Variants in PPP2R2B observed in about 807,000 individuals in gnomAD.
PPP2R2B encodes serine/threonine-protein phosphatase 2A 55 kDa regulatory subunit B beta isoform.
A neutral mutation model predicts 46.0 loss-of-function variants in PPP2R2B; 5 were observed. That is an observed-to-expected ratio of 0.11 (90% CI 0.06 to 0.23). PPP2R2B has a LOEUF of 0.23. Among genes scored for constraint, PPP2R2B ranks in the 10% least tolerant of loss-of-function variants. The pLI is 1.00. For missense variants in PPP2R2B, 367 were observed against 575.0 expected, an observed-to-expected ratio of 0.64 and a Z score of 3.70; for synonymous variants, 215 against 206.7, an observed-to-expected ratio of 1.04 and a Z score of -0.34.
chr5:147,078,226 C>T lies in PPP2R2B; in HGVS notation c.50+2833G>A, dbSNP rs373237904. 6.6e-5 allele frequency among the ~76,000 whole-genome samples: 10 copies of T among 152,208 alleles called. 1 individual carries two copies. The highest frequency in any genetic ancestry group is 1.7e-4 in the African/African-American group (7 of 41,534). ...ATTTATATTAATAGCTTACAAATAT[C>T]GAGTACTTACAAAGTATTGAGCACT... On this transcript the variant is annotated intron_variant, in intron 2 of 10. Transcript: ENST00000394413.
chr5:146,689,969 A>C (rs1778739342), intron 5 of PPP2R2B, among the ~76,000 whole-genome samples: 1 of 152,258 alleles, frequency 6.6e-6, no homozygotes, highest in Admixed American at 6.5e-5. Context: ...ATATTCAAAA[A>C]GTAACTGCTG....
intron 5 of PPP2R2B, among the ~76,000 whole-genome samples, chr5:146,660,176 C>A (rs1776586532): frequency 6.6e-6 from 1 of 151,996 alleles, no homozygotes. Flanking sequence ...TTGTGTGTAC[C>A]CATTATTGAA....
intron 5 of PPP2R2B, among the ~76,000 whole-genome samples, chr5:146,678,023 T>C (rs574129425): frequency 4.6e-5 from 7 of 152,340 alleles, no homozygotes; most frequent in Admixed American, 3.3e-4. Context: ...ATGGTTCTTT[T>C]CTGCTTCAAG....
chr5:146,696,486 T>C (rs1339704821), intron 4 of PPP2R2B, among the ~76,000 whole-genome samples: 2 of 152,194 alleles, frequency 1.3e-5, no homozygotes, highest in Non-Finnish European at 2.9e-5. Context: ...CAATCAGACA[T>C]TTTTCCTCTG....
chr5:146,966,177 G>T (rs192758377), intron 1 of PPP2R2B, among the ~76,000 whole-genome samples: 35 of 152,308 alleles, frequency 2.3e-4, no homozygotes, highest in Non-Finnish European at 3.4e-4. Flanking sequence ...GGCTGCCTGC[G>T]ATATTAGTGT....
At chr5:146,789,439 CA>C in intron 2 of PPP2R2B, among the ~76,000 whole-genome samples, 1 of 151,978 alleles carries the variant, frequency 6.6e-6, no homozygotes, top group Non-Finnish European at 1.5e-5. Context: ...AATATAAATA[CA>C]AAAATACAAC....
At chr5:146,830,460 C>T (rs1475086152) in intron 2 of PPP2R2B, among the ~76,000 whole-genome samples, 1 of 151,908 alleles carries the variant, frequency 6.6e-6, no homozygotes, top group East Asian at 1.9e-4. Context: ...CTCACTCTTC[C>T]TGCATCTTGG....
chr5:146,902,317 A>T (rs1762861187), intron 1 of PPP2R2B, among the ~76,000 whole-genome samples: 1 of 152,052 alleles, frequency 6.6e-6, no homozygotes, highest in Non-Finnish European at 1.5e-5. Context: ...TCACCCACAC[A>T]CCCACACAAC....
At chr5:146,652,511 T>A (rs1776041879) in intron 5 of PPP2R2B, among the ~76,000 whole-genome samples, 1 of 152,084 alleles carries the variant, frequency 6.6e-6, no homozygotes. Context: ...CCAAGAGGGA[T>A]TTAACCTGCT....
chr5:146,761,313 A>G (rs1458097697), intron 2 of PPP2R2B, among the ~76,000 whole-genome samples: 14 of 152,328 alleles, frequency 9.2e-5, no homozygotes, highest in Non-Finnish European at 1.8e-4. Context: ...GCACATATAC[A>G]CCATGGAATA....
At chr5:146,763,436 CA>C (rs1754286068) in intron 2 of PPP2R2B, among the ~76,000 whole-genome samples, 1 of 152,104 alleles carries the variant, frequency 6.6e-6, no homozygotes, top group Non-Finnish European at 1.5e-5. Flanking sequence ...TAATCTTACC[CA>C]AGAGTGGTAT....
In PPP2R2B at chr5:146,867,002, T is replaced by C. The variant is rs576418711; in HGVS notation, c.70+11000A>G. Among the ~76,000 whole-genome samples, 18 of 152,340 alleles carry C rather than the reference T, an allele frequency of 1.2e-4. No homozygotes were observed. In the South Asian group the frequency reaches 3.1e-3, roughly 26 times the overall value. ...TGAGTTGCATGTTTACTGAGAGTCA[T>C]TTGTGTTTGTTTCCAAATCTCCTGA... On this transcript the variant is annotated intron_variant, in intron 2 of 9. Transcript: ENST00000394411.
intron 2 of PPP2R2B, among the ~76,000 whole-genome samples, chr5:146,774,645 C>T (rs760359430): frequency 1.3e-5 from 2 of 151,820 alleles, no homozygotes; most frequent in African/African-American, 2.4e-5. Context: ...GGCAAAACCC[C>T]GTCTCTACTA....
At chr5:146,896,439 C>A (rs1190108676) in intron 1 of PPP2R2B, among the ~76,000 whole-genome samples, 1 of 152,194 alleles carries the variant, frequency 6.6e-6, no homozygotes, top group Admixed American at 6.5e-5. Flanking sequence ...ATTCCACTTA[C>A]ATTTCTCTAT....
At chr5:146,872,212 A>G (rs185802332) in intron 2 of PPP2R2B, among the ~76,000 whole-genome samples, 15 of 152,338 alleles carry the variant, frequency 9.8e-5, no homozygotes, top group Admixed American at 6.5e-4. Flanking sequence ...CCTGGATGCT[A>G]ATAATGAATA....
chr5:146,914,930 T>C (rs2151809206), intron 1 of PPP2R2B, among the ~76,000 whole-genome samples: 1 of 152,316 alleles, frequency 6.6e-6, no homozygotes, highest in South Asian at 2.1e-4. Context: ...GAATCGACAG[T>C]GGCTTCCAAA....
intron 2 of PPP2R2B, among the ~76,000 whole-genome samples, chr5:146,742,639 T>C (rs1407918871): frequency 3.3e-5 from 5 of 152,090 alleles, no homozygotes; most frequent in Non-Finnish European, 5.9e-5. Context: ...GATATAATAA[T>C]AAATGATAAT....
intron 1 of PPP2R2B, among the ~76,000 whole-genome samples, chr5:146,923,593 A>G (rs998602122): frequency 6.6e-6 from 1 of 152,218 alleles, no homozygotes; most frequent in African/African-American, 2.4e-5. Context: ...CAAATACTAA[A>G]CATTTTCAAA....
intron 2 of PPP2R2B, among the ~76,000 whole-genome samples, chr5:146,875,419 G>A (rs1213129783): frequency 6.6e-6 from 1 of 151,942 alleles, no homozygotes; most frequent in Non-Finnish European, 1.5e-5. Context: ...CTGAGAGAGG[G>A]GAGCTTGGGT....
Sources: allele counts gnomAD v4.1 joint callset (sites outside exome capture counted in the v4.1 genomes callset), GRCh38; gene constraint gnomAD v4.1.1; transcripts MANE v1.5; gene names NCBI Gene and HGNC (gene_info 2026-07-23, HGNC 2026-07-21).